OXCT1: variants seen among roughly 807,000 people sequenced by gnomAD.
OXCT1 encodes 3-oxoacid CoA-transferase 1.
In OXCT1, 27 loss-of-function variants were observed where a neutral mutation model predicts 69.6. The ratio of observed to expected loss-of-function variants is 0.39; its 90% CI spans 0.29 to 0.54. The LOEUF (loss-of-function observed/expected upper bound fraction) is 0.54, where lower values mean the gene tolerates loss of function less well. Among genes scored for constraint, OXCT1 ranks in the 20% least tolerant of loss-of-function variants. The probability of loss-of-function intolerance (pLI) is 0.72; values close to 1 mark genes in which losing one functional copy is unlikely to be tolerated. For missense variants in OXCT1, 437 were observed against 650.2 expected (o/e 0.67, Z 3.57); for synonymous variants, 202 against 217.8 (o/e 0.93, Z 0.64).
intron 13 of OXCT1, among the ~76,000 whole-genome samples, chr5:41,782,271 G>A (rs1745445522): frequency 6.6e-6 from 1 of 151,366 alleles, no homozygotes; most frequent in Non-Finnish European, 1.5e-5. Context: ...CTGGAGTGCA[G>A]TGGTGTGACC....
intron 15 of OXCT1, among the ~76,000 whole-genome samples, chr5:41,747,635 A>T (rs1743562782): frequency 6.6e-6 from 1 of 152,068 alleles, no homozygotes; most frequent in African/African-American, 2.4e-5. Context: ...GGTGGGAAGA[A>T]TGTTCCAGAC....
chr5:41,828,771 A>G (rs1747944589), intron 7 of OXCT1, among the ~76,000 whole-genome samples: 1 of 152,236 alleles, frequency 6.6e-6, no homozygotes, highest in Non-Finnish European at 1.5e-5. Flanking sequence ...AGAAATACTG[A>G]GTAATTTAAT....
intron 6 of OXCT1, 45 bp downstream of exon 6, chr5:41,842,630 T>C (rs1168035360): frequency 1.5e-6 from 2 of 1,301,374 alleles, no homozygotes; most frequent in African/African-American, 1.5e-5. Context: ...TGTCCATTTT[T>C]AGAGTTGCTG....
rs899213603 is a variant in OXCT1, at chr5:41,862,866, T to C, written c.79-116A>G. On this transcript the variant is annotated intron_variant, in intron 1 of 16. Coordinates refer to ENST00000196371, the MANE Select transcript of OXCT1 (RefSeq NM_000436.4). ...ATAATTTCATTATCTCCTTTATATA[T>C]ACACGTTTTTAATTGCCAGGTAATA... The C allele has an allele frequency of 4.5e-6, 3 of 671,930 alleles. No individual in the cohort carries two copies. The African/African-American group carries it at 5.4e-5, about 12-fold the overall frequency. 41.6% of individuals were successfully genotyped at this position (671,930 alleles called of 1,614,324 possible).
intron 12 of OXCT1, 44 bp downstream of exon 12, chr5:41,794,633 C>T (rs114403852): frequency 1.3e-6 from 2 of 1,543,992 alleles, no homozygotes; most frequent in Admixed American, 3.3e-5. Flanking sequence ...TGACTCAGCT[C>T]ATTCCATACT....
At chr5:41,794,395 G>A in intron 12 of OXCT1, 1 of 594,368 alleles carries the variant, frequency 1.7e-6, no homozygotes, top group Non-Finnish European at 3.0e-6. Context: ...ACAGTTTGAA[G>A]AAAATGTTAG....
chr5:41,740,116 G>T (rs1743092603), intron 15 of OXCT1, among the ~76,000 whole-genome samples: 1 of 152,050 alleles, frequency 6.6e-6, no homozygotes, highest in Admixed American at 6.5e-5. Context: ...TTGGTCAAAG[G>T]TCAATTAGTG....
chr5:41,741,528 T>C (rs1345348537), intron 15 of OXCT1, among the ~76,000 whole-genome samples: 2 of 152,024 alleles, frequency 1.3e-5, no homozygotes, highest in Non-Finnish European at 1.5e-5. Flanking sequence ...CCTGAGACAG[T>C]GGGGGCAGCA....
rs140541067 is a variant in OXCT1, at chr5:41,805,659, C to G, written c.863G>C (p.Gly288Ala). 19 of 1,610,812 alleles carry G rather than the reference C, an allele frequency of 1.2e-5. No homozygotes were observed. The African/African-American group carries it at 2.4e-4, about 20-fold the overall frequency. The change falls in exon 9 of 17, where the codon GGA becomes GCA. Residue 288 changes from glycine (G) to alanine (A), a missense_variant. Transcript: ENST00000196371. ...TTTAGCAGATTTGGCTTCCCCATCT[C>G]CCTCTTTCCGGATTGATAAACGCTT... The part of the protein sequence containing the change: ...RIERLSIRKE[G>A]DGEAKSAKPG...
Position 41,807,441 on chromosome 5 carries a change from A to G in OXCT1, c.733-3T>C, listed in dbSNP as rs77000151. 4.3e-3 allele frequency: 6,525 copies of G among 1,534,376 alleles called. 24 individuals are homozygous for G. The highest frequency in any genetic ancestry group is 5.1e-3 in the Non-Finnish European group (5,616 of 1,108,692). On this transcript the variant is annotated splice_polypyrimidine_tract_variant and splice_region_variant and intron_variant, in intron 7 of 16. Transcript: ENST00000196371. ...CCAATATCCACAATTTCTTCAACCT[A>G]GACAAAGAGAAATTTCTTTCAAAGT... is the stretch of plus-strand genomic sequence containing the variant.
chr5:41,744,723 C>G (rs1020932014), intron 15 of OXCT1, among the ~76,000 whole-genome samples: 2 of 152,076 alleles, frequency 1.3e-5, no homozygotes, highest in African/African-American at 4.8e-5. Context: ...TTGAGATAAT[C>G]ATGCGGTTTT....
Position 41,762,983 on chromosome 5 carries a change from C to T in OXCT1, c.1249-783G>A, listed in dbSNP as rs546028844. 6.6e-6 allele frequency among the ~76,000 whole-genome samples: 1 copy of T among 152,108 alleles called. No homozygotes were observed. Among genetic ancestry groups the T allele is most frequent in the Non-Finnish European group, 1.5e-5 (1 of 67,978 alleles). ...CAGAGATGATAAAATGATTCTTACT[C>T]AAGTATATTGAGGAGAAATGTCTTT... On this transcript the variant is annotated intron_variant, in intron 13 of 16. Coordinates refer to ENST00000196371, the MANE Select transcript of OXCT1 (RefSeq NM_000436.4). This position sits in a 1 kb window ranked among gnomAD's most constrained non-coding sequence, Gnocchi z 4.0.
At chr5:41,788,700 A>G (rs929368776) in intron 13 of OXCT1, among the ~76,000 whole-genome samples, 4 of 152,220 alleles carry the variant, frequency 2.6e-5, no homozygotes, top group Admixed American at 1.3e-4. Context: ...CAAATCCACA[A>G]TTATAGCTGA....
chr5:41,861,226 A>G, intron 3 of OXCT1, 88 bp downstream of exon 3: 3 of 886,056 alleles, frequency 3.4e-6, no homozygotes, highest in South Asian at 2.6e-5. Context: ...TGTGAATAGG[A>G]GAAAACTTCA....
At chr5:41,789,194 CT>C (rs1745796199) in intron 13 of OXCT1, among the ~76,000 whole-genome samples, 1 of 152,166 alleles carries the variant, frequency 6.6e-6, no homozygotes, top group African/African-American at 2.4e-5. Flanking sequence ...ATATTTTAGG[CT>C]TTGCAAGCCA....
chr5:41,819,005 A>G (rs917233783), intron 7 of OXCT1, among the ~76,000 whole-genome samples: 1 of 152,106 alleles, frequency 6.6e-6, no homozygotes, highest in Admixed American at 6.5e-5. Context: ...TCACTTCAGT[A>G]TTTGTAGACT....
At chr5:41,817,809 T>G (rs759349396) in intron 7 of OXCT1, among the ~76,000 whole-genome samples, 1 of 152,284 alleles carries the variant, frequency 6.6e-6, no homozygotes, top group Admixed American at 6.5e-5. Flanking sequence ...AAGGCACACC[T>G]TGAGATAAAA....
chr5:41,751,660 C>T (rs540271430), intron 14 of OXCT1, among the ~76,000 whole-genome samples: 1 of 152,120 alleles, frequency 6.6e-6, no homozygotes, highest in African/African-American at 2.4e-5. Flanking sequence ...GTTTTTAATA[C>T]AATCCATAAT....
intron 11 of OXCT1, among the ~76,000 whole-genome samples, chr5:41,795,793 A>T (rs565282676): frequency 6.6e-6 from 1 of 152,326 alleles, no homozygotes; most frequent in Admixed American, 6.5e-5. Flanking sequence ...TAATCATTTC[A>T]CAATGTATAT....
Sources: gnomAD v4.1 joint callset for allele counts (sites outside exome capture counted in the v4.1 genomes callset) on GRCh38, gnomAD v4.1.1 for gene constraint, Gnocchi (gnomAD v3.1) non-coding constraint, MANE v1.5 for transcripts, NCBI Gene and HGNC (gene_info 2026-07-23, HGNC 2026-07-21) for gene names.